ADGRL2: variants seen among roughly 807,000 people sequenced by gnomAD.
The protein encoded by ADGRL2 is calcium-independent alpha-latrotoxin receptor 2.
A neutral mutation model predicts 157.4 loss-of-function variants in ADGRL2; 44 were observed. The ratio of observed to expected loss-of-function variants is 0.28; its 90% confidence interval spans 0.22 to 0.36. The LOEUF (loss-of-function observed/expected upper bound fraction) is 0.36. ADGRL2 is among the 10% of genes least tolerant of loss of function. The probability of loss-of-function intolerance (pLI) is 1.00; values close to 1 mark genes in which losing one functional copy is unlikely to be tolerated. For synonymous variants in ADGRL2, 585 were observed against 624.7 expected (o/e 0.94, Z 0.95); for missense variants, 1,510 against 1,768.9 (o/e 0.85, Z 2.63).
At chr1:81,448,029 T>C (rs970733461) in intron 2 of ADGRL2, among the ~76,000 whole-genome samples, 7 of 152,018 alleles carry the variant, frequency 4.6e-5, no homozygotes, top group Non-Finnish European at 1.0e-4. Context: ...CATTCTGCCA[T>C]GATTGTAAGT....
intron 2 of ADGRL2, among the ~76,000 whole-genome samples, chr1:81,459,131 G>A (rs1253029725): frequency 6.6e-6 from 1 of 152,230 alleles, no homozygotes; most frequent in Non-Finnish European, 1.5e-5. Flanking sequence ...GTCTATGGGT[G>A]GTCTTGGAAA....
At chr1:81,889,559 C>A (rs2094210203) in intron 2 of ADGRL2, among the ~76,000 whole-genome samples, 1 of 145,508 alleles carries the variant, frequency 6.9e-6, no homozygotes, top group Non-Finnish European at 1.6e-5. Context: ...AGCCATTGTT[C>A]CCATAACATA....
intron 3 of ADGRL2, among the ~76,000 whole-genome samples, chr1:81,644,327 G>A (rs2082274893): frequency 6.6e-6 from 1 of 152,024 alleles, no homozygotes; most frequent in African/African-American, 2.4e-5. Flanking sequence ...TTTTTAGAAG[G>A]AAAAACAAAG....
chr1:81,815,275 C>T (rs975064918), intron 1 of ADGRL2, among the ~76,000 whole-genome samples: 1 of 151,752 alleles, frequency 6.6e-6, no homozygotes, highest in Non-Finnish European at 1.5e-5. Flanking sequence ...ATACTCGTGT[C>T]AGAGGCCTTA....
intron 5 of ADGRL2, 195 bp from the exon 6 acceptor site, chr1:81,942,774 A>C (rs1648513695): frequency 3.1e-6 from 2 of 637,600 alleles, no homozygotes; most frequent in South Asian, 3.3e-5. Flanking sequence ...CATAAACTTC[A>C]GTTACTTTGT....
chr1:81,715,402 A>C (rs2084079669), intron 1 of ADGRL2, among the ~76,000 whole-genome samples: 1 of 152,086 alleles, frequency 6.6e-6, no homozygotes, highest in Non-Finnish European at 1.5e-5. Flanking sequence ...ACAGGAGAAA[A>C]AGCACCAGCT....
At chr1:81,411,478 G>T (rs115515880) in intron 1 of ADGRL2, among the ~76,000 whole-genome samples, 2 of 152,256 alleles carry the variant, frequency 1.3e-5, no homozygotes, top group Admixed American at 6.5e-5. Flanking sequence ...AGAAACTGAG[G>T]CACAGGCATT....
intron 9 of ADGRL2, 51 bp downstream of exon 9, chr1:81,952,193 CT>C (rs1410091623): frequency 6.9e-7 from 1 of 1,455,360 alleles, no homozygotes; most frequent in Non-Finnish European, 9.3e-7. Context: ...TATGGCAGCT[CT>C]TTCTTGTCTT....
At chr1:81,880,097 A>G (rs568557528) in intron 2 of ADGRL2, among the ~76,000 whole-genome samples, 1 of 152,310 alleles carries the variant, frequency 6.6e-6, no homozygotes, top group African/African-American at 2.4e-5. Flanking sequence ...CCTCATCCGA[A>G]CAATGGAAAT....
Position 81,318,928 on chromosome 1 carries a change from CTTTTTTTTTTTTTT to C in ADGRL2, c.-302+12436_-302+12449del, listed in dbSNP as rs397980625. On this transcript the variant is annotated intron_variant, in intron 1 of 24. Transcript: ENST00000370721. ...TTTTATCCTCCATCCTCCATCAATT[CTTTTTTTTTTTTTT>C]TTTTTTTTTTTTTTTTGAGATGGAG... 7.6e-3 allele frequency among the ~76,000 whole-genome samples: 348 copies of C among 45,848 alleles called. 4 individuals carry two copies. Among genetic ancestry groups the C allele is most frequent in the African/African-American group, 0.031 (324 of 10,428 alleles). 30.1% of individuals were successfully genotyped at this position (45,848 alleles called of 152,430 possible). A position where few individuals can be genotyped will look rare whatever the true frequency, so the allele number is the denominator to read the frequency against.
intron 3 of ADGRL2, among the ~76,000 whole-genome samples, chr1:81,617,305 G>A (rs2081680010): frequency 6.6e-6 from 1 of 152,134 alleles, no homozygotes; most frequent in Admixed American, 6.5e-5. Context: ...ATCTGAGGTG[G>A]AACAATTTCA....
intron 2 of ADGRL2, among the ~76,000 whole-genome samples, chr1:81,548,115 A>G (rs992325803): frequency 2.6e-5 from 4 of 152,172 alleles, no homozygotes; most frequent in African/African-American, 9.7e-5. Context: ...CAGCCCACAC[A>G]AGAAATATAA....
chr1:81,505,919 T>C lies in ADGRL2; in HGVS notation c.-248+60830T>C, dbSNP rs150564483. ...AAATCATGTAAAAAGCACCACGCTG[T>C]GCAAAAGATGGGCCCAAATACTCTG... is the stretch of plus-strand genomic sequence containing the variant. On this transcript the variant is annotated intron_variant, in intron 2 of 24. Coordinates refer to the ADGRL2 transcript ENST00000370721. The C allele has an allele frequency of 8.0e-3, 2,442 of 304,628 alleles. 25 individuals are homozygous for C. Among genetic ancestry groups the C allele is most frequent in the African/African-American group, 0.023 (1,059 of 46,090 alleles). The allele number at this position is 304,628 out of a possible 1,614,324, so 18.9% of individuals were successfully genotyped here.
chr1:81,965,750 C>T (rs1220293613), intron 11 of ADGRL2, among the ~76,000 whole-genome samples: 1 of 152,076 alleles, frequency 6.6e-6, no homozygotes, highest in East Asian at 1.9e-4. Context: ...AAGTTATGTA[C>T]TATTAATTCA....
intron 1 of ADGRL2, among the ~76,000 whole-genome samples, chr1:81,331,947 A>C (rs905609352): frequency 2.0e-5 from 3 of 152,154 alleles, no homozygotes; most frequent in African/African-American, 7.2e-5. Flanking sequence ...TAAGTCACTT[A>C]TGTCAGTTAA....
intron 1 of ADGRL2, among the ~76,000 whole-genome samples, chr1:81,816,212 C>T (rs61379111): frequency 0.018 from 2,703 of 151,618 alleles, 72 homozygotes; most frequent in African/African-American, 0.061. Context: ...TGAAAATAAA[C>T]GAAAATATAG....
At chr1:81,365,205 T>C (rs2076044842) in intron 1 of ADGRL2, among the ~76,000 whole-genome samples, 2 of 152,066 alleles carry the variant, frequency 1.3e-5, no homozygotes, top group East Asian at 3.9e-4. Context: ...TCCAACAGAG[T>C]TAAGCCAAAA....
intron 1 of ADGRL2, among the ~76,000 whole-genome samples, chr1:81,410,279 G>A (rs571545593): frequency 6.6e-6 from 1 of 152,192 alleles, no homozygotes; most frequent in Non-Finnish European, 1.5e-5. Flanking sequence ...TAACAGAGAA[G>A]GGAAATTTGT....
chr1:81,970,392 C>A lies in ADGRL2; in HGVS notation c.2812C>A (p.Gln938Lys), dbSNP rs776830974. ...TGCTTGGATGTGCCTAGAAGGTGTG[C>A]AGCTCTACCTAATGTTAGTTGAAGT... ...AFAWMCLEGV[Q>K]LYLMLVEVFE... The change falls in exon 16 of 24, where the codon CAG (glutamine) becomes AAG (lysine). Residue 938 changes from glutamine to lysine, a missense_variant. Transcript: ENST00000686636. 2 of 1,585,724 alleles carry A rather than the reference C, an allele frequency of 1.3e-6. No homozygotes were observed. The highest frequency in any genetic ancestry group is 2.3e-5 in the South Asian group (2 of 85,780).
Sources: gnomAD v4.1 joint callset for allele counts (sites outside exome capture counted in the v4.1 genomes callset) on GRCh38, gnomAD v4.1.1 for gene constraint, MANE v1.5 for transcripts, NCBI Gene and HGNC (gene_info 2026-07-23, HGNC 2026-07-21) for gene names.